The following IFT122 variants were observed in gnomAD, a reference collection of about 807,000 sequenced individuals.
The protein encoded by IFT122 is intraflagellar transport protein 122 homolog.
IFT122 carries 118 observed loss-of-function variants against 161.6 expected under a neutral mutation model. The observed-to-expected ratio is 0.73, with a 90% CI of 0.63 to 0.85. The LOEUF is 0.85. Ranked by LOEUF, IFT122 falls within the 40% of genes least tolerant of loss-of-function variation. The pLI is 0.00. For synonymous variants in IFT122, 550 were observed against 602.4 expected (o/e 0.91, Z 1.27); for missense variants, 1,381 against 1,579.6 (o/e 0.87, Z 2.13).
At chr3:129,460,721 G>GGAAT in intron 4 of IFT122, 1 of 763,590 alleles carries the variant, frequency 1.3e-6, no homozygotes, top group Admixed American at 1.9e-5. Context: ...AATTTTTGAA[G>GGAAT]GAATGAATGA....
chr3:129,477,745 A>G (rs1193970691), intron 11 of IFT122, among the ~76,000 whole-genome samples: 2 of 152,198 alleles, frequency 1.3e-5, no homozygotes, highest in Non-Finnish European at 2.9e-5. Flanking sequence ...AGAGGAGTTT[A>G]TATTTGTATC....
chr3:129,506,501 G>A lies in IFT122; in HGVS notation c.2743G>A (p.Ala915Thr), dbSNP rs2082205406. The A allele has an allele frequency of 1.2e-6, 2 of 1,614,260 alleles. No individual in the cohort carries two copies. Among genetic ancestry groups the A allele is most frequent in the East Asian group, 2.2e-5 (1 of 44,888 alleles). The change falls in exon 22 of 30, where the codon GCC becomes ACC. Residue 915 changes from alanine to threonine, a missense_variant. Ala to Thr is a moderately conservative substitution (Grantham distance 58). Coordinates refer to ENST00000348417, the MANE Select transcript of IFT122 (RefSeq NM_052989.3). ...AVAESRFNDA[A>T]YYYWMLSMQC... ...GGCGGAGAGCAGGTTTAATGATGCT[G>A]CCTATTATTACTGGATGCTGTCCAT...
At chr3:129,487,811 G>A (rs1004946699) in intron 15 of IFT122, 9 of 296,030 alleles carry the variant, frequency 3.0e-5, no homozygotes, top group African/African-American at 2.0e-4. Flanking sequence ...CACAACCTGC[G>A]ATCTGGACAA....
At chr3:129,447,606 G>A (rs946886224) in intron 1 of IFT122, among the ~76,000 whole-genome samples, 2 of 152,062 alleles carry the variant, frequency 1.3e-5, no homozygotes, top group Non-Finnish European at 2.9e-5. Flanking sequence ...TCTGTCTCCC[G>A]GGTTCAAGCA....
At chr3:129,454,559 A>G (rs73202302) in intron 3 of IFT122, among the ~76,000 whole-genome samples, 13,346 of 95,742 alleles carry the variant, frequency 0.14, 646 homozygotes, top group East Asian at 0.2. Context: ...GTGTGTGTGC[A>G]TGTTTGAGTT....
At chr3:129,517,356 T>A in intron 26 of IFT122, 113 bp from the exon 27 acceptor site, 1 of 1,409,784 alleles carries the variant, frequency 7.1e-7, no homozygotes, top group Non-Finnish European at 9.8e-7. Flanking sequence ...TCTTCTTGCT[T>A]TTGGTGAAGC....
intron 16 of IFT122, 143 bp from the exon 17 acceptor site, chr3:129,491,998 G>A (rs1459465937): frequency 2.6e-6 from 2 of 758,532 alleles, no homozygotes; most frequent in South Asian, 1.4e-5. Flanking sequence ...CCTCCTGCAC[G>A]CACGATGATT....
In IFT122 at chr3:129,440,402, G is replaced by A. The variant is rs1338630289; in HGVS notation, c.41+31G>A. The A allele has an allele frequency of 3.9e-6, 6 of 1,549,746 alleles. No homozygotes were observed. The African/African-American group carries it at 6.8e-5, about 18-fold the overall frequency. On this transcript the variant is annotated intron_variant, in intron 1 of 29. Transcript: ENST00000348417. Reference sequence around the variant, plus strand: ...GAGCGGGGCGGTTCGCGAAGAGCAGGAGGTCGAGTCCTCGCGGGGAGTGCG... The same window carrying A: ...GAGCGGGGCGGTTCGCGAAGAGCAGAAGGTCGAGTCCTCGCGGGGAGTGCG...
intron 20 of IFT122, 130 bp downstream of exon 20, chr3:129,503,012 G>T: frequency 1.2e-6 from 1 of 806,222 alleles, no homozygotes; most frequent in South Asian, 1.7e-5. Context: ...CATTGGGCTG[G>T]CAGTCAGGTA....
chr3:129,480,835 A>T (rs1410920624), intron 13 of IFT122, among the ~76,000 whole-genome samples: 1 of 152,176 alleles, frequency 6.6e-6, no homozygotes, highest in Non-Finnish European at 1.5e-5. Flanking sequence ...TCAAAAACAG[A>T]TATCATCAGG....
Position 129,519,859 on chromosome 3 carries a change from C to T in IFT122, c.3636+127C>T. Reference sequence around the variant, plus strand: ...CCATGGCTCCAAGTTGGGACAGAGGCTTGTCTGTCCTCTCCCCTGCTTGCA... The same window carrying T: ...CCATGGCTCCAAGTTGGGACAGAGGTTTGTCTGTCCTCTCCCCTGCTTGCA... On this transcript the variant is annotated intron_variant, in intron 29 of 29. Coordinates refer to ENST00000348417, the MANE Select transcript of IFT122 (RefSeq NM_052989.3). 4 of 1,106,678 alleles carry T rather than the reference C, an allele frequency of 3.6e-6. No homozygotes were observed. In the South Asian group the frequency reaches 5.1e-5, roughly 14 times the overall value. The allele number at this position is 1,106,678 out of a possible 1,614,324, so 68.6% of individuals were successfully genotyped here.
At chr3:129,461,642 A>G (rs1221422482) in intron 5 of IFT122, 2 of 406,330 alleles carry the variant, frequency 4.9e-6, no homozygotes, top group Non-Finnish European at 9.3e-6. Context: ...TCCCTGACTC[A>G]CCCTGGCAGA....
At chr3:129,477,019 C>A (rs2078034037) in intron 11 of IFT122, among the ~76,000 whole-genome samples, 1 of 150,016 alleles carries the variant, frequency 6.7e-6, no homozygotes, top group African/African-American at 2.5e-5. Flanking sequence ...AATAAATCCT[C>A]TCTGAAAAAT....
rs2076183595 is a variant in IFT122 at position 129,461,230 on chromosome 3, A to G, written c.275A>G (p.His92Arg). ...ATCTACAGTTGTTTACTTCCCAGGC[A>G]CAATGATGCTATACAATGTGTCTCC... is the stretch of plus-strand genomic sequence containing the variant. ...SKLEGILKYT[H>R]NDAIQCVSYN... The change falls in exon 5 of 30, where the codon CAC (histidine) becomes CGC (arginine). Residue 92 changes from histidine to arginine, a missense_variant and splice_region_variant. By Grantham distance (29) the His-to-Arg change is conservative. Around this residue, in one of 7 missense-constraint regions of IFT122, gnomAD observed 134 missense variants for 137.4 expected, o/e 0.98. Coordinates refer to ENST00000348417, the MANE Select transcript of IFT122 (RefSeq NM_052989.3). 2 of 1,611,882 alleles carry G rather than the reference A, an allele frequency of 1.2e-6. No individual in the cohort carries two copies. Among genetic ancestry groups the G allele is most frequent in the Non-Finnish European group, 8.5e-7 (1 of 1,177,902 alleles).
Position 129,461,309 on chromosome 3 carries a change from G to A in IFT122, c.349+5G>A, listed in dbSNP as rs376595844. ...CTTGTTCCTCCAGTGACTTTGGTAC[G>A]TTCTGATTCCTGATGTCCTGTCCTG... On this transcript the variant is annotated splice_donor_5th_base_variant and intron_variant, in intron 5 of 29. Coordinates refer to ENST00000348417, the MANE Select transcript of IFT122 (RefSeq NM_052989.3). 4.3e-5 allele frequency: 69 copies of A among 1,603,654 alleles called. No homozygotes were observed. The highest frequency in any genetic ancestry group is 5.4e-5 in the African/African-American group (4 of 74,708).
At chr3:129,460,229 C>T (rs1032594543) in intron 4 of IFT122, among the ~76,000 whole-genome samples, 3 of 152,156 alleles carry the variant, frequency 2.0e-5, no homozygotes, top group Admixed American at 2.0e-4. Context: ...CTCTCCTACC[C>T]CCAGCCCCTG....
intron 12 of IFT122, 126 bp downstream of exon 12, chr3:129,478,344 T>G (rs1368168794): frequency 2.7e-6 from 2 of 753,242 alleles, no homozygotes; most frequent in South Asian, 1.5e-5. Context: ...TCAAACTAAG[T>G]GGTGCTTATT....
Position 129,476,394 on chromosome 3 carries a change from G to C in IFT122, c.896G>C (p.Gly299Ala). The C allele has an allele frequency of 6.2e-7, 1 of 1,614,164 alleles. No individual in the cohort carries two copies. Among genetic ancestry groups the C allele is most frequent in the Non-Finnish European group, 8.5e-7 (1 of 1,180,040 alleles). Residue 299 changes from glycine to alanine, a missense_variant, in exon 10 of 30, where the codon GGT (glycine) becomes GCT (alanine). Coordinates refer to ENST00000348417, the MANE Select transcript of IFT122 (RefSeq NM_052989.3). ...AAAGGCGAGTACATTTTGCTGGGGG[G>C]TTCAGACAAGCAAGTATCTCTTTTC... ...FTKGEYILLG[G>A]SDKQVSLFTK...
chr3:129,463,273 C>T (rs2076370625), intron 5 of IFT122: 2 of 396,750 alleles, frequency 5.0e-6, no homozygotes, highest in Non-Finnish European at 4.8e-6. Context: ...AGAACTAAGC[C>T]ATCACCATGC....
Sources: gnomAD v4.1 joint callset for allele counts (sites outside exome capture counted in the v4.1 genomes callset) on GRCh38, gnomAD v4.1.1 for gene constraint, gnomAD v4.1.1 regional missense constraint, MANE v1.5 for transcripts, NCBI Gene and HGNC (gene_info 2026-07-23, HGNC 2026-07-21) for gene names.